Variants in SPON1 observed in about 807,000 individuals in gnomAD.
The protein encoded by SPON1 is spondin-1.
A neutral mutation model predicts 111.7 loss-of-function variants in SPON1; 52 were observed. That is an observed-to-expected ratio of 0.47 (90% CI 0.37 to 0.59). The LOEUF (loss-of-function observed/expected upper bound fraction) is 0.59, where lower values mean the gene tolerates loss of function less well. SPON1 is among the 20% of genes least tolerant of loss of function. SPON1 has a pLI of 0.00. For missense variants in SPON1, 957 were observed against 1,068.5 expected, an observed-to-expected ratio of 0.90 and a Z score of 1.46; for synonymous variants, 410 against 395.8, an observed-to-expected ratio of 1.04 and a Z score of -0.43.
chr11:14,054,633 T>A (rs1320792696), intron 3 of SPON1, among the ~76,000 whole-genome samples: 1 of 151,886 alleles, frequency 6.6e-6, no homozygotes, highest in Non-Finnish European at 1.5e-5. Context: ...TGAACAACAG[T>A]CCCAGCTCCA....
chr11:14,039,069 A>G (rs556875824), intron 2 of SPON1, among the ~76,000 whole-genome samples: 4 of 152,234 alleles, frequency 2.6e-5, no homozygotes, highest in Admixed American at 6.5e-5. Context: ...TTAAATGCAT[A>G]TTACTAAGTG....
intron 6 of SPON1, among the ~76,000 whole-genome samples, chr11:14,170,136 A>G (rs1322222307): frequency 3.0e-4 from 45 of 152,192 alleles, no homozygotes; most frequent in African/African-American, 9.4e-4. Context: ...AGCATGGAAT[A>G]TTCTTCCATT....
At chr11:14,129,561 A>G (rs1847502747) in intron 5 of SPON1, among the ~76,000 whole-genome samples, 1 of 152,206 alleles carries the variant, frequency 6.6e-6, no homozygotes, top group Admixed American at 6.5e-5. Context: ...ACAAATCTCC[A>G]GGAAGTTCCA....
intron 6 of SPON1, among the ~76,000 whole-genome samples, chr11:14,202,427 A>T (rs1025957133): frequency 7.9e-5 from 12 of 152,116 alleles, no homozygotes; most frequent in African/African-American, 2.7e-4. Context: ...CTCCATACCT[A>T]GCACAAGTGC....
At chr11:14,264,227 C>T (rs1591432446) in intron 15 of SPON1, among the ~76,000 whole-genome samples, 2 of 152,154 alleles carry the variant, frequency 1.3e-5, no homozygotes, top group South Asian at 4.2e-4. Flanking sequence ...AGGCCAGTGG[C>T]CCACCAAGGA....
chr11:13,970,996 G>GA (rs1247976374), intron 1 of SPON1, among the ~76,000 whole-genome samples: 4 of 152,108 alleles, frequency 2.6e-5, no homozygotes, highest in African/African-American at 9.7e-5. Context: ...ATTATTTGTT[G>GA]AAAAAAATAA....
intron 6 of SPON1, among the ~76,000 whole-genome samples, chr11:14,202,438 A>G (rs1848474331): frequency 6.6e-6 from 1 of 152,192 alleles, no homozygotes; most frequent in African/African-American, 2.4e-5. Context: ...GCACAAGTGC[A>G]TGGTCCGGAG....
At chr11:14,245,375 C>T (rs1848977751) in intron 7 of SPON1, among the ~76,000 whole-genome samples, 1 of 152,212 alleles carries the variant, frequency 6.6e-6, no homozygotes, top group African/African-American at 2.4e-5. Context: ...AGGAGACAGA[C>T]AACAGACCAA....
chr11:13,963,134 G>T lies in SPON1; in HGVS notation c.230G>T (p.Ser77Ile), dbSNP rs1554907695. ...CCCGACTTCTACAAGCCGGGAACCA[G>T]CTACCGCGGTAAGTGGCCGCCCGGC... ...GDPDFYKPGT[S>I]YRVTLSAAPP... Residue 77 changes from serine (S) to isoleucine (I), a missense_variant, in exon 1 of 16, where the codon AGC (serine) becomes ATC (isoleucine). By Grantham distance (142) the Ser-to-Ile change is moderately radical. This residue lies in a region of SPON1 where 262 missense variants were observed against 253.9 expected (regional missense o/e 1.03). Transcript: ENST00000576479. 4 of 1,507,098 alleles carry T rather than the reference G, an allele frequency of 2.7e-6. No individual in the cohort carries two copies. In the Admixed American group the frequency reaches 8.6e-5, roughly 32 times the overall value. 93.4% of individuals were successfully genotyped at this position (1,507,098 alleles called of 1,614,324 possible).
In SPON1 at chr11:13,987,543, G is replaced by A. The variant is rs537649358; in HGVS notation, c.345+4590G>A. Among the ~76,000 whole-genome samples the A allele has an allele frequency of 5.3e-5, 8 of 152,236 alleles. No individual in the cohort carries two copies. The South Asian group carries it at 1.7e-3, about 32-fold the overall frequency. On this transcript the variant is annotated intron_variant, in intron 2 of 15. Coordinates refer to ENST00000576479, the MANE Select transcript of SPON1 (RefSeq NM_006108.4). ...TGGTAGTTTCTTTTGCTGTGCAGAAGCTCTTTAGTTTAATTAGATCCCATT... is the reference window on the plus strand; with the variant it reads ...TGGTAGTTTCTTTTGCTGTGCAGAAACTCTTTAGTTTAATTAGATCCCATT...
chr11:14,080,123 G>C, intron 5 of SPON1, 102 bp downstream of exon 5: 1 of 1,366,578 alleles, frequency 7.3e-7, no homozygotes, highest in Non-Finnish European at 1.0e-6. Context: ...CTGCTCCCTA[G>C]TATTGGCTGG....
intron 6 of SPON1, among the ~76,000 whole-genome samples, chr11:14,207,243 G>T (rs1848527336): frequency 6.6e-6 from 1 of 152,212 alleles, no homozygotes; most frequent in Non-Finnish European, 1.5e-5. Flanking sequence ...ACTCAAGATG[G>T]ATAAAAGACT....
intron 2 of SPON1, among the ~76,000 whole-genome samples, chr11:14,024,412 C>T (rs1477893970): frequency 6.6e-6 from 1 of 152,128 alleles, no homozygotes; most frequent in East Asian, 1.9e-4. Flanking sequence ...GGAGGTGGCG[C>T]TCAGCAAGAT....
rs112427326 is a variant in SPON1 at position 14,002,586 on chromosome 11, G to A, written c.345+19633G>A. ...TCCATGAGAGATGGATGGAAGGATC[G>A]TGTAGCAGCAGAGACCCAGTTTAGA... On this transcript the variant is annotated intron_variant, in intron 2 of 15. Transcript: ENST00000576479. 2.4e-4 allele frequency among the ~76,000 whole-genome samples: 36 copies of A among 152,256 alleles called. 1 individual carries two copies. The highest frequency in any genetic ancestry group is 3.4e-3 in the Middle Eastern group (1 of 294).
chr11:14,181,215 T>A (rs551840370), intron 6 of SPON1, among the ~76,000 whole-genome samples: 9 of 152,156 alleles, frequency 5.9e-5, no homozygotes, highest in Non-Finnish European at 1.3e-4. Flanking sequence ...ACCACTAGCA[T>A]ATGGGGAGGA....
intron 2 of SPON1, among the ~76,000 whole-genome samples, chr11:14,028,199 G>C (rs1412670865): frequency 1.3e-5 from 2 of 152,104 alleles, no homozygotes; most frequent in Non-Finnish European, 2.9e-5. Context: ...TGTAGAGTCT[G>C]TGCCAGGTTT....
At chr11:13,989,750 C>T (rs1000772538) in intron 2 of SPON1, among the ~76,000 whole-genome samples, 17 of 152,144 alleles carry the variant, frequency 1.1e-4, no homozygotes, top group East Asian at 1.9e-4. Flanking sequence ...GTTGTGTCTT[C>T]GTTCTCATTG....
Position 14,113,759 on chromosome 11 carries a change from C to G in SPON1, c.677-21661C>G, listed in dbSNP as rs551583563. ...CTGGGACTACAGGCGCCCGCCACCA[C>G]GCCCGGCTAATTTTTTTGTGTTTTT... On this transcript the variant is annotated intron_variant, in intron 5 of 15. Transcript: ENST00000576479. Among the ~76,000 whole-genome samples the G allele has an allele frequency of 1.3e-4, 19 of 151,576 alleles. 1 individual carries two copies. In the South Asian group the frequency reaches 3.8e-3, roughly 30 times the overall value.
In SPON1 at chr11:14,135,502, C is replaced by A. The variant is rs373179278; in HGVS notation, c.759C>A (p.Ser253Arg). The A allele has an allele frequency of 1.2e-6, 2 of 1,613,674 alleles. No individual in the cohort carries two copies. The highest frequency in any genetic ancestry group is 2.2e-5 in the East Asian group (1 of 44,888). The change falls in exon 6 of 16, where the codon AGC (serine) becomes AGA (arginine). Residue 253 changes from serine (S) to arginine (R), a missense_variant. Transcript: ENST00000576479. This position sits in a 1 kb window ranked among gnomAD's most constrained non-coding sequence, Gnocchi z 4.4. Reference protein sequence around the residue: ...YVLWEYGGYASEGVKQVAELG... With the variant: ...YVLWEYGGYAREGVKQVAELG... ...TGTGGGAATATGGAGGATATGCCAG[C>A]GAAGGCGTCAAACAAGTTGCAGAAT...
Sources: allele counts gnomAD v4.1 joint callset (sites outside exome capture counted in the v4.1 genomes callset), GRCh38; gene constraint gnomAD v4.1.1; regional missense constraint gnomAD v4.1.1; non-coding constraint Gnocchi (gnomAD v3.1); transcripts MANE v1.5; gene names NCBI Gene and HGNC (gene_info 2026-07-23, HGNC 2026-07-21).